Variants in MYH7B observed in about 807,000 individuals in gnomAD.
MYH7B encodes the protein myosin heavy chain 7B.
In MYH7B, 205 loss-of-function variants were observed where a neutral mutation model predicts 234.5. The ratio of observed to expected loss-of-function variants is 0.87; its 90% CI spans 0.78 to 0.98. MYH7B has a LOEUF of 0.98. Ranked by LOEUF, MYH7B falls within the 50% of genes least tolerant of loss-of-function variation. The pLI is 0.00. For synonymous variants in MYH7B, 1,193 were observed against 1,105.0 expected (o/e 1.08, Z -1.58); for missense variants, 2,652 against 2,633.4 (o/e 1.01, Z -0.15).
Position 35,000,753 on chromosome 20 carries a change from T to G in MYH7B, c.5179-15T>G. 1 of 1,610,232 alleles carries G rather than the reference T, an allele frequency of 6.2e-7. No individual in the cohort carries two copies. The highest frequency in any genetic ancestry group is 1.1e-5 in the South Asian group (1 of 90,592). ...CCTGCTGGCTGGCTGGCTCTGAGAC[T>G]CCTCTTCCCCTCAGAACACAGGCCT... On this transcript the variant is annotated splice_polypyrimidine_tract_variant and intron_variant, in intron 39 of 44. Coordinates refer to ENST00000262873, the Ensembl canonical transcript of MYH7B.
chr20:34,997,462 T>G (rs1234554343), exon 32 of MYH7B: 1 of 1,500,724 alleles, frequency 6.7e-7, no homozygotes, highest in African/African-American at 1.4e-5. Flanking sequence ...GAGGCGGCGC[T>G]GCGGCACGAG....
At chr20:34,993,588 T>C (rs1317190778) in intron 26 of MYH7B, 118 bp downstream of exon 26, 4 of 1,221,136 alleles carry the variant, frequency 3.3e-6, no homozygotes, top group South Asian at 1.6e-5. Flanking sequence ...CTGTGGCTGG[T>C]TGGGGCAAGG....
chr20:34,987,532 C>T lies in MYH7B; in HGVS notation c.1148-25C>T, dbSNP rs202043508. ...GAGTGCGCATGGTGGTGTCCTCCTC[C>T]CTTACCCCACTCGTGCCCTGCCAGG... On this transcript the variant is annotated intron_variant, in intron 16 of 44. Coordinates refer to ENST00000262873, the Ensembl canonical transcript of MYH7B. The T allele has an allele frequency of 2.0e-5, 30 of 1,497,678 alleles. No homozygotes were observed. The African/African-American group carries it at 5.5e-4, about 27-fold the overall frequency. 92.8% of individuals were successfully genotyped at this position (1,497,678 alleles called of 1,614,324 possible). A position where few individuals can be genotyped will look rare whatever the true frequency, so the allele number is the denominator to read the frequency against.
At chr20:35,001,318 A>G (rs767008512) in exon 42 of MYH7B, 5 of 1,612,116 alleles carry the variant, frequency 3.1e-6, no homozygotes, top group African/African-American at 1.3e-5. Flanking sequence ...GTGCGCAAGC[A>G]TGAGCGCCGT....
At chr20:34,983,972 A>G (rs570346501) in intron 10 of MYH7B, among the ~76,000 whole-genome samples, 4 of 152,324 alleles carry the variant, frequency 2.6e-5, no homozygotes, top group Non-Finnish European at 4.4e-5. Context: ...GGATGGGGAG[A>G]AGGAGGATCT....
chr20:35,000,762 C>T lies in MYH7B; in HGVS notation c.5179-6C>T. On this transcript the variant is annotated splice_region_variant and splice_polypyrimidine_tract_variant and intron_variant, in intron 39 of 44. Coordinates refer to ENST00000262873, the Ensembl canonical transcript of MYH7B. The stretch of plus-strand genomic sequence containing the variant: ...TGGCTGGCTCTGAGACTCCTCTTCC[C>T]CTCAGAACACAGGCCTCCTAAACCA... 6.2e-7 allele frequency: 1 copy of T among 1,611,534 alleles called. No homozygotes were observed. Among genetic ancestry groups the T allele is most frequent in the Non-Finnish European group, 8.5e-7 (1 of 1,178,894 alleles).
intron 28 of MYH7B, among the ~76,000 whole-genome samples, chr20:34,996,048 G>A (rs2082249754): frequency 6.6e-6 from 1 of 152,238 alleles, no homozygotes; most frequent in African/African-American, 2.4e-5. Context: ...CACTGAGGAA[G>A]CCGGGACTAG....
chr20:34,998,608 C>T lies in MYH7B; in HGVS notation c.3972C>T (p.Arg1324=), dbSNP rs752628887. ...CCCAAAGCCTGGAAGAGTTGCGGCG[C>T]CAGCTAGAGGAGGAAAGCAAGGTGG... The change falls in exon 34 of 45, where the codon CGC becomes CGT. Residue 1324 remains arginine, a synonymous_variant. Transcript: ENST00000262873. The T allele has an allele frequency of 9.3e-6, 15 of 1,613,172 alleles. No individual in the cohort carries two copies. In the South Asian group the frequency reaches 1.5e-4, roughly 17 times the overall value.
rs974877644 is a variant in MYH7B at position 34,975,484 on chromosome 20, G to T, written c.-137G>T. 2 of 713,568 alleles carry T rather than the reference G, an allele frequency of 2.8e-6. No homozygotes were observed. The highest frequency in any genetic ancestry group is 2.0e-5 in the Admixed American group (1 of 49,656). The allele number at this position is 713,568 out of a possible 1,614,324, so 44.2% of individuals were successfully genotyped here. On this transcript the variant is annotated 5_prime_UTR_variant, in exon 3 of 45. An upstream open reading frame in the 5' UTR gains an earlier in-frame stop. Coordinates refer to ENST00000262873, the Ensembl canonical transcript of MYH7B. ...TCCGCCTGGGCCTCCCAAAGTGCTG[G>T]AATTACAGACATGAGGTACTGTGCC...
intron 7 of MYH7B, 21 bp downstream of exon 7, chr20:34,979,825 A>G (rs1413681000): frequency 6.4e-6 from 10 of 1,569,044 alleles, no homozygotes; most frequent in Non-Finnish European, 6.9e-6. Context: ...GGCCCGGGCC[A>G]TGGGCGGGGT....
At chr20:34,979,887 TAGCGGTGGGGCGGGGCTGTG>T (rs2081916852) in intron 7 of MYH7B, 83 bp downstream of exon 7, 8 of 1,456,068 alleles carry the variant, frequency 5.5e-6, no homozygotes, top group Non-Finnish European at 6.5e-6. Context: ...GGCGGGCCCA[TAGCGGTGGGGCGGGGCTGTG>T]AGCGGTGGAT....
intron 2 of MYH7B, among the ~76,000 whole-genome samples, chr20:34,964,644 C>T (rs972755703): frequency 6.6e-6 from 1 of 152,130 alleles, no homozygotes; most frequent in African/African-American, 2.4e-5. Flanking sequence ...TGGGACTGGG[C>T]GCGGTGGCTC....
At chr20:34,963,586 C>T (rs563556765) in intron 2 of MYH7B, among the ~76,000 whole-genome samples, 6 of 152,120 alleles carry the variant, frequency 3.9e-5, no homozygotes, top group Admixed American at 1.3e-4. Flanking sequence ...AAAATTTTGA[C>T]GAAGTCCAAT....
At chr20:34,999,177 G>A (rs775297571) in exon 36 of MYH7B, 7 of 1,613,694 alleles carry the variant, frequency 4.3e-6, no homozygotes, top group Middle Eastern at 3.3e-4. Context: ...TGTAACCCTG[G>A]AGCTGGAGCG....
At chr20:35,000,368 G>A (rs1434873732) in exon 39 of MYH7B, 4 of 1,599,128 alleles carry the variant, frequency 2.5e-6, no homozygotes, top group African/African-American at 1.3e-5. Context: ...ATGAGGCGCT[G>A]CGGCTCAAGA....
At chr20:34,990,073 G>A in exon 21 of MYH7B, 1 of 1,614,184 alleles carries the variant, frequency 6.2e-7, no homozygotes, top group Non-Finnish European at 8.5e-7. Flanking sequence ...ATGAGACCGT[G>A]GTCCCCATCT....
chr20:34,999,200 A>G, exon 36 of MYH7B: 1 of 1,612,868 alleles, frequency 6.2e-7, no homozygotes, highest in Non-Finnish European at 8.5e-7. Context: ...CGACCTCAGC[A>G]GCTGCTGCGC....
chr20:35,000,163 AAG>A (rs1195994751), intron 38 of MYH7B, 128 bp from the exon 39 acceptor site: 40 of 1,199,610 alleles, frequency 3.3e-5, no homozygotes, highest in Admixed American at 9.0e-5. Flanking sequence ...AGGCAGTCAC[AAG>A]AGACTTTAAA....
At chr20:34,996,059 G>A (rs753137048) in intron 28 of MYH7B, among the ~76,000 whole-genome samples, 4 of 150,064 alleles carry the variant, frequency 2.7e-5, no homozygotes, top group Non-Finnish European at 6.0e-5. Context: ...CCGGGACTAG[G>A]AGGCAGCTGC....
Sources: gnomAD v4.1 joint callset for allele counts (sites outside exome capture counted in the v4.1 genomes callset) on GRCh38, gnomAD v4.1.1 for gene constraint, MANE v1.5 for transcripts, NCBI Gene and HGNC (gene_info 2026-07-23, HGNC 2026-07-21) for gene names.